Variants in COBL observed in about 807,000 individuals in gnomAD.
COBL encodes the protein cordon-bleu WH2 repeat protein, also known as protein cordon-bleu.
Under a neutral mutation model 98.8 loss-of-function variants are expected in COBL, and 51 were observed. That is an observed-to-expected ratio of 0.52 (90% CI 0.41 to 0.65). The LOEUF is 0.65. Among genes scored for constraint, COBL ranks in the 30% least tolerant of loss-of-function variants. The probability of loss-of-function intolerance (pLI) is 0.00; values close to 1 mark genes in which losing one functional copy is unlikely to be tolerated. For missense variants in COBL, 1,617 were observed against 1,617.5 expected, an observed-to-expected ratio of 1.00 and a Z score of 0.01; for synonymous variants, 634 against 651.7, an observed-to-expected ratio of 0.97 and a Z score of 0.41.
intron 5 of COBL, among the ~76,000 whole-genome samples, chr7:51,148,128 TC>T (rs1470592133): frequency 1.3e-5 from 2 of 152,176 alleles, no homozygotes; most frequent in East Asian, 3.9e-4. Context: ...AAATATTGCT[TC>T]TAAGAGAAGT....
At position 51,043,595 on chromosome 7, in the gene COBL, A is replaced by G. The variant is rs1185243064; in HGVS notation, c.1194T>C (p.Phe398=). 6.2e-7 allele frequency: 1 copy of G among 1,614,218 alleles called. No homozygotes were observed. Among genetic ancestry groups the G allele is most frequent in the Admixed American group, 1.7e-5 (1 of 60,032 alleles). ...AEETVSVGSC[F]ASEDTTEDSG... is the part of the protein sequence containing the mutation. ...AGTCCTCGGTCGTGTCCTCCGACGC[A>G]AAACAGCTGCCAACTGACACGGTCT... The change falls in exon 8 of 13, where the codon TTT becomes TTC. Residue 398 remains phenylalanine (F), a synonymous_variant. Transcript: ENST00000265136.
In COBL at chr7:51,307,452, A is replaced by T. The variant is rs147967379; in HGVS notation, c.41+9141T>A. Among the ~76,000 whole-genome samples the T allele has an allele frequency of 7.7e-3, 1,167 of 152,314 alleles. 61 individuals carry two copies. The South Asian group carries it at 0.13, about 17-fold the overall frequency. Reference sequence around the variant, plus strand: ...GGGAGAGCCAGACCTCCCACACACAAGGAGCAGGTTCTGGCCATCTCCTAT... The same window carrying T: ...GGGAGAGCCAGACCTCCCACACACATGGAGCAGGTTCTGGCCATCTCCTAT... On this transcript the variant is annotated intron_variant, in intron 1 of 12. Coordinates refer to ENST00000265136, the MANE Select transcript of COBL (RefSeq NM_015198.5).
intron 6 of COBL, among the ~76,000 whole-genome samples, chr7:51,126,004 T>C (rs1798168128): frequency 6.6e-6 from 1 of 152,204 alleles, no homozygotes; most frequent in Admixed American, 6.5e-5. Context: ...AATGTTCTCC[T>C]CTGAATGCCT....
chr7:51,285,721 T>C (rs11766075), intron 1 of COBL, among the ~76,000 whole-genome samples: 47,295 of 152,130 alleles, frequency 0.31, 9,180 homozygotes, highest in Non-Finnish European at 0.43. Flanking sequence ...ATGGCTGTTT[T>C]TGTAGACATA....
intron 6 of COBL, among the ~76,000 whole-genome samples, chr7:51,102,459 G>A (rs1364608818): frequency 6.6e-6 from 1 of 152,092 alleles, no homozygotes; most frequent in Non-Finnish European, 1.5e-5. Context: ...ACAGCCTCAC[G>A]CTCCCACTCC....
intron 1 of COBL, among the ~76,000 whole-genome samples, chr7:51,315,259 CAA>C (rs71021769): frequency 5.8e-5 from 8 of 137,472 alleles, no homozygotes; most frequent in Non-Finnish European, 4.7e-5. Context: ...AAGTGCACTG[CAA>C]AAAAAAAAAA....
chr7:51,200,879 C>T (rs532661996), intron 2 of COBL, among the ~76,000 whole-genome samples: 6 of 152,080 alleles, frequency 3.9e-5, no homozygotes, highest in Admixed American at 2.6e-4. Context: ...CTACAAGAGA[C>T]TCATTTTAGA....
intron 1 of COBL, among the ~76,000 whole-genome samples, chr7:51,315,961 G>A (rs13227813): frequency 4.6e-5 from 7 of 152,230 alleles, no homozygotes; most frequent in Non-Finnish European, 1.0e-4. Context: ...GGCCCCACTA[G>A]GACGCCCCTT....
intron 6 of COBL, among the ~76,000 whole-genome samples, chr7:51,115,834 G>A (rs772263417): frequency 3.3e-5 from 5 of 152,022 alleles, no homozygotes; most frequent in Admixed American, 1.3e-4. Flanking sequence ...TCTCCAATAT[G>A]ATGGTGGATG....
chr7:51,139,591 C>T (rs936524443), intron 5 of COBL, among the ~76,000 whole-genome samples: 6 of 152,190 alleles, frequency 3.9e-5, no homozygotes, highest in Admixed American at 1.3e-4. Flanking sequence ...CCTGAGCCAC[C>T]AGACCCTCTT....
rs559583236 is a variant in COBL, at chr7:51,212,230, T to A, written c.245+7511A>T. On this transcript the variant is annotated intron_variant, in intron 2 of 12. Transcript: ENST00000265136. ...CCAAATGTGTACAGACTTCAAAAAA[T>A]TTTTTTGAGTCAGTGACTTCAATTA... Among the ~76,000 whole-genome samples the A allele has an allele frequency of 9.8e-5, 15 of 152,306 alleles. No homozygotes were observed. In the East Asian group the frequency reaches 1.7e-3, roughly 18 times the overall value.
At chr7:51,238,319 G>T (rs1458232587) in intron 1 of COBL, among the ~76,000 whole-genome samples, 2 of 152,170 alleles carry the variant, frequency 1.3e-5, no homozygotes, top group African/African-American at 4.8e-5. Flanking sequence ...CCACTCCGGG[G>T]TCCTTTCCCT....
At chr7:51,159,015 C>A (rs550875541) in intron 5 of COBL, among the ~76,000 whole-genome samples, 6 of 152,288 alleles carry the variant, frequency 3.9e-5, no homozygotes, top group Admixed American at 1.3e-4. Context: ...GTGTGGGACA[C>A]CCTGTCTATA....
At chr7:51,207,595 G>A (rs935137051) in intron 2 of COBL, among the ~76,000 whole-genome samples, 1 of 152,212 alleles carries the variant, frequency 6.6e-6, no homozygotes. Flanking sequence ...ACACCTGACT[G>A]GTTTTCGTAT....
intron 1 of COBL, among the ~76,000 whole-genome samples, chr7:51,291,448 G>T (rs149046063): frequency 8.7e-4 from 133 of 152,278 alleles, no homozygotes; most frequent in African/African-American, 3.2e-3. Context: ...AGGGTAATGA[G>T]GTGACAGTCA....
chr7:51,078,777 A>G (rs895156263), intron 7 of COBL, among the ~76,000 whole-genome samples: 2 of 152,280 alleles, frequency 1.3e-5, no homozygotes, highest in South Asian at 2.1e-4. Flanking sequence ...TCTGCCCCCA[A>G]CTTCACTCAA....
At chr7:51,030,558 G>C (rs921453985) in intron 9 of COBL, among the ~76,000 whole-genome samples, 3 of 152,192 alleles carry the variant, frequency 2.0e-5, no homozygotes, top group Admixed American at 1.3e-4. Context: ...TTAATGCACT[G>C]AATTAGTATT....
At chr7:51,021,147 TC>T (rs1786893063) in intron 12 of COBL, 1 of 152,074 alleles carries the variant, frequency 6.6e-6, no homozygotes, top group Admixed American at 6.5e-5. Context: ...CAGGATGTGC[TC>T]CCAGCAATGC....
At position 51,043,524 on chromosome 7, in the gene COBL, T is replaced by C. The variant is rs770475305; in HGVS notation, c.1265A>G (p.Gln422Arg). Reference sequence around the variant, plus strand: ...GTCTTTGTATTTCATGCTGTCCTGCTGCGAGTCCAGAGAGACGATGTCTGA... The same window carrying C: ...GTCTTTGTATTTCATGCTGTCCTGCCGCGAGTCCAGAGAGACGATGTCTGA... The part of the protein sequence containing the change: ...SPSDIVSLDS[Q>R]QDSMKYKDKW... Residue 422 changes from glutamine (Q) to arginine (R), a missense_variant, in exon 8 of 13, where the codon CAG becomes CGG. By Grantham distance (43) the Gln-to-Arg change is conservative. This residue lies in a region of COBL where 1,304 missense variants were observed against 1,282.0 expected (regional missense o/e 1.02). Coordinates refer to ENST00000265136, the MANE Select transcript of COBL (RefSeq NM_015198.5). 4.3e-6 allele frequency: 7 copies of C among 1,614,220 alleles called. No individual in the cohort carries two copies. Among genetic ancestry groups the C allele is most frequent in the Non-Finnish European group, 5.9e-6 (7 of 1,180,030 alleles).
Sources: allele counts gnomAD v4.1 joint callset (sites outside exome capture counted in the v4.1 genomes callset), GRCh38; gene constraint gnomAD v4.1.1; regional missense constraint gnomAD v4.1.1; transcripts MANE v1.5; gene names NCBI Gene and HGNC (gene_info 2026-07-23, HGNC 2026-07-21).